Variants in SGCG observed in about 807,000 individuals in gnomAD.
SGCG encodes the protein sarcoglycan gamma.
Under a neutral mutation model 29.3 loss-of-function variants are expected in SGCG, and 26 were observed. That is an observed-to-expected ratio of 0.89 (90% CI 0.65 to 1.23). The LOEUF is 1.23. SGCG is among the 50% of genes most tolerant of loss of function. The pLI is 0.00. For missense variants in SGCG, 353 were observed against 356.0 expected (o/e 0.99, Z 0.07); for synonymous variants, 145 against 129.7 (o/e 1.12, Z -0.80).
chr13:23,311,665 G>A (rs1882604332), intron 6 of SGCG, among the ~76,000 whole-genome samples: 1 of 152,206 alleles, frequency 6.6e-6, no homozygotes, highest in Non-Finnish European at 1.5e-5. Context: ...TGAGGAATCA[G>A]CCTCTGATCC....
intron 3 of SGCG, chr13:23,247,093 C>A (rs115568803): frequency 1.2e-5 from 2 of 168,540 alleles, no homozygotes; most frequent in East Asian, 1.5e-4. Flanking sequence ...GCCCTGCATA[C>A]GGTGCGAGAG....
chr13:23,281,076 T>C (rs1284424844), intron 5 of SGCG, among the ~76,000 whole-genome samples: 1 of 152,164 alleles, frequency 6.6e-6, no homozygotes, highest in African/African-American at 2.4e-5. Context: ...GGTTCACACC[T>C]GTAATCCCAG....
intron 2 of SGCG, 147 bp from the exon 3 acceptor site, chr13:23,234,464 G>T: frequency 3.4e-6 from 2 of 594,562 alleles, no homozygotes; most frequent in Non-Finnish European, 3.0e-6. Context: ...TTCAATTAAA[G>T]ATGCAAAGTT....
chr13:23,190,906 A>G (rs3829358), intron 1 of SGCG, among the ~76,000 whole-genome samples: 92,607 of 151,986 alleles, frequency 0.61, 29,225 homozygotes, highest in African/African-American at 0.79. Flanking sequence ...AGTTTTTTGA[A>G]TAATTGAAAA....
intron 2 of SGCG, among the ~76,000 whole-genome samples, chr13:23,221,763 T>C (rs928641017): frequency 2.0e-5 from 3 of 152,180 alleles, no homozygotes; most frequent in African/African-American, 7.2e-5. Flanking sequence ...GGATGCTGTA[T>C]ACAGAAAACA....
intron 4 of SGCG, among the ~76,000 whole-genome samples, chr13:23,276,863 A>G (rs1302111168): frequency 2.0e-5 from 3 of 152,234 alleles, no homozygotes; most frequent in Non-Finnish European, 2.9e-5. Context: ...ATGCTTAGCA[A>G]ATTGTCCTGA....
chr13:23,224,665 T>TAC (rs60671278), intron 2 of SGCG, among the ~76,000 whole-genome samples: 24 of 142,108 alleles, frequency 1.7e-4, no homozygotes, highest in African/African-American at 5.6e-4. Flanking sequence ...AGGGCACACA[T>TAC]ACACACACAC....
intron 5 of SGCG, among the ~76,000 whole-genome samples, chr13:23,284,941 G>A (rs1881437646): frequency 6.6e-6 from 1 of 152,188 alleles, no homozygotes; most frequent in South Asian, 2.1e-4. Context: ...AGTGGAGGCT[G>A]CAGAACAGCA....
rs1593112867 is a variant in SGCG at position 23,320,742 on chromosome 13, T to C, written c.684T>C (p.Phe228=). The change falls in exon 7 of 8, where the codon TTT becomes TTC. Residue 228 remains phenylalanine (F), a synonymous_variant. Coordinates refer to ENST00000218867, the MANE Select transcript of SGCG (RefSeq NM_000231.3). ...CGCTTTCTCAAATGGATATTCTTTTTCATAGTAGTGATGGAATGGTGAGTT... is the reference window on the plus strand; with the variant it reads ...CGCTTTCTCAAATGGATATTCTTTTCCATAGTAGTGATGGAATGGTGAGTT... The part of the protein sequence containing the change: ...IEALSQMDIL[F]HSSDGMLVLD... The C allele has an allele frequency of 6.2e-7, 1 of 1,613,832 alleles. No homozygotes were observed. The highest frequency in any genetic ancestry group is 8.5e-7 in the Non-Finnish European group (1 of 1,179,804).
At chr13:23,230,145 T>C (rs1386947562) in intron 2 of SGCG, among the ~76,000 whole-genome samples, 1 of 152,222 alleles carries the variant, frequency 6.6e-6, no homozygotes, top group African/African-American at 2.4e-5. Flanking sequence ...GGTCTGTGTC[T>C]GTTTTTGTAC....
intron 1 of SGCG, among the ~76,000 whole-genome samples, chr13:23,186,203 G>C (rs1291539403): frequency 6.6e-6 from 1 of 152,154 alleles, no homozygotes; most frequent in Non-Finnish European, 1.5e-5. Context: ...CTTAGCCTTG[G>C]TCACCAACCC....
intron 1 of SGCG, among the ~76,000 whole-genome samples, chr13:23,191,211 A>G (rs772112479): frequency 2.0e-5 from 3 of 152,218 alleles, no homozygotes; most frequent in Non-Finnish European, 2.9e-5. Flanking sequence ...GAGCCAAAAT[A>G]ATAGCATGCC....
chr13:23,275,869 G>A (rs1187539779), intron 4 of SGCG, among the ~76,000 whole-genome samples: 1 of 152,018 alleles, frequency 6.6e-6, no homozygotes, highest in East Asian at 1.9e-4. Flanking sequence ...TGCAATATTT[G>A]TTTCTAAATG....
intron 3 of SGCG, chr13:23,245,096 C>T (rs1290389777): frequency 1.3e-5 from 2 of 152,304 alleles, no homozygotes; most frequent in Non-Finnish European, 2.9e-5. Context: ...TCCTCCTTCT[C>T]CTCCCATTCC....
chr13:23,267,127 T>C (rs1197910934), intron 4 of SGCG, among the ~76,000 whole-genome samples: 1 of 152,230 alleles, frequency 6.6e-6, no homozygotes, highest in Admixed American at 6.5e-5. Context: ...AAATCAATTT[T>C]GTTAAACTTA....
chr13:23,299,276 A>ATATG (rs1882025787), intron 6 of SGCG, among the ~76,000 whole-genome samples: 1 of 134,808 alleles, frequency 7.4e-6, no homozygotes, highest in African/African-American at 2.7e-5. Flanking sequence ...CTGACTGATT[A>ATATG]TATGATGGTC....
chr13:23,249,991 C>G (rs765545202), intron 3 of SGCG, among the ~76,000 whole-genome samples: 46 of 152,128 alleles, frequency 3.0e-4, no homozygotes, highest in Admixed American at 1.0e-3. Context: ...TTTTTCAAAA[C>G]TATTGTTTAC....
At chr13:23,238,803 A>T (rs1208503803) in intron 3 of SGCG, among the ~76,000 whole-genome samples, 2 of 152,212 alleles carry the variant, frequency 1.3e-5, no homozygotes, top group Non-Finnish European at 2.9e-5. Context: ...TAACAACTGA[A>T]ATTTTTAAAA....
chr13:23,254,498 G>C (rs1880101504), intron 4 of SGCG, among the ~76,000 whole-genome samples: 1 of 150,438 alleles, frequency 6.6e-6, no homozygotes, highest in Admixed American at 6.6e-5. Context: ...TCAGATATAA[G>C]AGCAAAAAAA....
Sources: allele counts gnomAD v4.1 joint callset (sites outside exome capture counted in the v4.1 genomes callset), GRCh38; gene constraint gnomAD v4.1.1; transcripts MANE v1.5; gene names NCBI Gene and HGNC (gene_info 2026-07-23, HGNC 2026-07-21).